GSE1: variants seen among roughly 807,000 people sequenced by gnomAD.
GSE1 encodes Gse1 coiled-coil protein, also known as genetic suppressor element 1.
GSE1 carries 32 observed loss-of-function variants against 112.6 expected under a neutral mutation model. The ratio of observed to expected loss-of-function variants is 0.28; its 90% CI spans 0.21 to 0.38. GSE1 has a LOEUF of 0.38. Ranked by LOEUF, GSE1 falls within the 10% of genes least tolerant of loss-of-function variation. The probability of loss-of-function intolerance (pLI) is 1.00; values close to 1 mark genes in which losing one functional copy is unlikely to be tolerated. For missense variants in GSE1, 2,348 were observed against 1,699.2 expected, an observed-to-expected ratio of 1.38 and a Z score of -6.71; for synonymous variants, 1,115 against 735.6, an observed-to-expected ratio of 1.52 and a Z score of -8.35.
At position 85,613,371 on chromosome 16, in the gene GSE1, G is replaced by A. The variant is rs1311095895; in HGVS notation, c.-21G>A. 6.4e-7 allele frequency: 1 copy of A among 1,569,978 alleles called. No individual in the cohort carries two copies. Among genetic ancestry groups the A allele is most frequent in the Admixed American group, 1.8e-5 (1 of 54,404 alleles). On this transcript the variant is annotated 5_prime_UTR_variant, in exon 1 of 16. It adds an upstream start codon to the 5' untranslated region. Coordinates refer to ENST00000253458, the MANE Select transcript of GSE1 (RefSeq NM_014615.5). ...GTGGCTCCAGCATGTATCAGCCGAG[G>A]TGGAGCTGCGGGGCCCTGGCATGAA...
At chr16:85,627,023 TTTGC>T (rs2049128026) in intron 1 of GSE1, among the ~76,000 whole-genome samples, 1 of 148,080 alleles carries the variant, frequency 6.8e-6, no homozygotes, top group African/African-American at 2.5e-5. Context: ...CCACTGGGAC[TTTGC>T]TTCCTTTTCT....
chr16:85,528,619 C>A (rs371183889), intron 2 of GSE1, among the ~76,000 whole-genome samples: 83 of 151,516 alleles, frequency 5.5e-4, no homozygotes, highest in African/African-American at 1.9e-3. Context: ...ACCCACTGCA[C>A]CCAGCCGTGG....
At position 85,669,549 on chromosome 16, in the gene GSE1, C is replaced by G. The variant is rs560977023; in HGVS notation, c.3415+1125C>G. 3.9e-5 allele frequency among the ~76,000 whole-genome samples: 6 copies of G among 152,176 alleles called. 1 individual carries two copies. The East Asian group carries it at 5.8e-4, about 15-fold the overall frequency. ...TCTTTGAGTTTATTGCGCACCACCCCCTACATGTTGCCATTCTTTTAGTGC... is the reference window on the plus strand; with the variant it reads ...TCTTTGAGTTTATTGCGCACCACCCGCTACATGTTGCCATTCTTTTAGTGC... On this transcript the variant is annotated intron_variant, in intron 14 of 15. Coordinates refer to ENST00000253458, the MANE Select transcript of GSE1 (RefSeq NM_014615.5).
At chr16:85,430,078 G>T (rs1202630298) in intron 2 of GSE1, among the ~76,000 whole-genome samples, 1 of 152,264 alleles carries the variant, frequency 6.6e-6, no homozygotes, top group African/African-American at 2.4e-5. Flanking sequence ...CGGGGGTTCA[G>T]TCGGAGCCCA....
chr16:85,376,951 T>G (rs1182381698), intron 2 of GSE1, among the ~76,000 whole-genome samples: 1 of 152,250 alleles, frequency 6.6e-6, no homozygotes, highest in Non-Finnish European at 1.5e-5. Flanking sequence ...TTGTGCAGGT[T>G]GCACGCTGTG....
Position 85,281,030 on chromosome 16 carries a change from C to A in GSE1, c.2284-76433C>A, listed in dbSNP as rs112601934. Among the ~76,000 whole-genome samples, 43 of 152,240 alleles carry A rather than the reference C, an allele frequency of 2.8e-4. 1 individual carries two copies. The highest frequency in any genetic ancestry group is 1.0e-3 in the African/African-American group (42 of 41,538). ...GCCGCCCCATGTCTCTGATGGGTTG[C>A]GGGGAAGTTTGAGATGAACGGCTCT... On this transcript the variant is annotated intron_variant, in intron 1 of 2. Coordinates refer to the GSE1 transcript ENST00000637419.
chr16:85,261,956 C>A (rs1907737612), intron 1 of GSE1, among the ~76,000 whole-genome samples: 1 of 152,134 alleles, frequency 6.6e-6, no homozygotes, highest in Admixed American at 6.5e-5. Flanking sequence ...CTCCCCCATG[C>A]CTTATGTCGG....
rs1433956337 is a variant in GSE1, at chr16:85,462,398, T to G, written c.2464+104755T>G. On this transcript the variant is annotated intron_variant, in intron 2 of 2. Coordinates refer to the GSE1 transcript ENST00000637419. ...TGTTGGTTGGTTGCCTGCCCTCCTC[T>G]CCTGGTGCCTGTCTTCCTTCTCCCC... Among the ~76,000 whole-genome samples, 3 of 151,704 alleles carry G rather than the reference T, an allele frequency of 2.0e-5. No individual in the cohort carries two copies. The East Asian group carries it at 5.9e-4, about 30-fold the overall frequency.
At chr16:85,327,839 T>A (rs1002796396) in intron 1 of GSE1, among the ~76,000 whole-genome samples, 1 of 152,122 alleles carries the variant, frequency 6.6e-6, no homozygotes, top group African/African-American at 2.4e-5. Context: ...ATTCTTAGGA[T>A]CACAGACTCA....
intron 2 of GSE1, among the ~76,000 whole-genome samples, chr16:85,423,430 G>C (rs942033637): frequency 6.6e-5 from 10 of 152,214 alleles, no homozygotes; most frequent in African/African-American, 2.4e-4. Flanking sequence ...CCCCCAGCCA[G>C]AGTCCCAGCT....
intron 1 of GSE1, among the ~76,000 whole-genome samples, chr16:85,330,520 G>A (rs890318163): frequency 2.0e-5 from 3 of 152,320 alleles, no homozygotes; most frequent in South Asian, 2.1e-4. Flanking sequence ...TACAGCAGCC[G>A]CAGAACACAG....
chr16:85,482,055 C>A (rs929363908), intron 2 of GSE1, among the ~76,000 whole-genome samples: 1 of 152,240 alleles, frequency 6.6e-6, no homozygotes, highest in Non-Finnish European at 1.5e-5. Context: ...ATTTCATGTC[C>A]CCACCCATGA....
chr16:85,360,479 A>G (rs117934442), intron 2 of GSE1, among the ~76,000 whole-genome samples: 1 of 152,208 alleles, frequency 6.6e-6, no homozygotes, highest in Non-Finnish European at 1.5e-5. Context: ...CACCAGGAGC[A>G]TGTCCCGCAG....
intron 1 of GSE1, among the ~76,000 whole-genome samples, chr16:85,192,770 C>T (rs1003850452): frequency 5.3e-5 from 8 of 152,190 alleles, no homozygotes; most frequent in African/African-American, 1.7e-4. Context: ...TGGGTGGCTT[C>T]CCTGGGCCAG....
chr16:85,458,961 G>T (rs2049904356), intron 2 of GSE1, among the ~76,000 whole-genome samples: 1 of 152,170 alleles, frequency 6.6e-6, no homozygotes, highest in South Asian at 2.1e-4. Context: ...CTGCCCGCAG[G>T]TCTGGGTGGG....
intron 2 of GSE1, among the ~76,000 whole-genome samples, chr16:85,481,254 G>T (rs1477528762): frequency 2.6e-5 from 4 of 152,252 alleles, no homozygotes; most frequent in Non-Finnish European, 5.9e-5. Flanking sequence ...GGAGATAAAA[G>T]ACACCTCCTT....
chr16:85,309,135 C>T (rs534912461), intron 1 of GSE1, among the ~76,000 whole-genome samples: 1 of 151,796 alleles, frequency 6.6e-6, no homozygotes, highest in Non-Finnish European at 1.5e-5. Flanking sequence ...AAGCTCTCGA[C>T]CCAGGCCGCC....
intron 1 of GSE1, among the ~76,000 whole-genome samples, chr16:85,295,276 A>C (rs149272002): frequency 4.3e-4 from 66 of 152,342 alleles, no homozygotes; most frequent in Middle Eastern, 3.4e-3. Context: ...GGAATCCTGC[A>C]GTACAAGCTC....
intron 8 of GSE1, among the ~76,000 whole-genome samples, chr16:85,658,996 G>C (rs1036652084): frequency 2.8e-4 from 43 of 152,244 alleles, no homozygotes; most frequent in African/African-American, 1.0e-3. Flanking sequence ...TGAACTTGGG[G>C]GCCTGACAGG....
Sources: allele counts gnomAD v4.1 joint callset (sites outside exome capture counted in the v4.1 genomes callset), GRCh38; gene constraint gnomAD v4.1.1; transcripts MANE v1.5; gene names NCBI Gene and HGNC (gene_info 2026-07-23, HGNC 2026-07-21).